The following NAV1 variants were observed in gnomAD, a reference collection of about 807,000 sequenced individuals.
NAV1 encodes the protein neuron navigator 1.
Under a neutral mutation model 175.2 loss-of-function variants are expected in NAV1, and 18 were observed. That is an observed-to-expected ratio of 0.10 (90% CI 0.07 to 0.15). NAV1 has a LOEUF of 0.15. Among genes scored for constraint, NAV1 ranks in the 10% least tolerant of loss-of-function variants. The pLI, the probability that NAV1 is intolerant of heterozygous loss-of-function variation, is 1.00. For missense variants in NAV1, 1,731 were observed against 2,436.6 expected (o/e 0.71, Z 6.10); for synonymous variants, 897 against 978.7 (o/e 0.92, Z 1.56).
At chr1:201,708,233 G>A (rs779333780) in intron 1 of NAV1, among the ~76,000 whole-genome samples, 1 of 146,864 alleles carries the variant, frequency 6.8e-6, no homozygotes. Context: ...GTGAATTGCC[G>A]TGGTGATGGC....
intron 15 of NAV1, chr1:201,796,239 G>A (rs1286414126): frequency 6.6e-6 from 1 of 152,132 alleles, no homozygotes; most frequent in Non-Finnish European, 1.5e-5. Context: ...GACTTTTTGA[G>A]GAATTGGCAA....
chr1:201,559,399 G>C (rs1310928511), intron 1 of NAV1, among the ~76,000 whole-genome samples: 1 of 152,150 alleles, frequency 6.6e-6, no homozygotes, highest in Non-Finnish European at 1.5e-5. Flanking sequence ...ACCAGGAACA[G>C]TGCTCTTCCA....
chr1:201,559,151 G>A (rs1157049412), intron 1 of NAV1, among the ~76,000 whole-genome samples: 1 of 152,184 alleles, frequency 6.6e-6, no homozygotes, highest in Non-Finnish European at 1.5e-5. Flanking sequence ...CAGGCATATG[G>A]AAAGGGGTTG....
intron 2 of NAV1, among the ~76,000 whole-genome samples, chr1:201,613,847 G>A (rs1236761941): frequency 5.3e-5 from 8 of 152,194 alleles, no homozygotes; most frequent in East Asian, 1.9e-4. Context: ...GGGTGACAGC[G>A]CAAGGCTCAA....
rs139448864 is a variant in NAV1 at position 201,559,807 on chromosome 1, C to T, written c.-144+20465C>T. ...TCTGGTTCGGCCTTTGTCTGCATGGCCTTGCATCTTCCTGTTGCCGCCACC... is the reference window on the plus strand; with the variant it reads ...TCTGGTTCGGCCTTTGTCTGCATGGTCTTGCATCTTCCTGTTGCCGCCACC... On this transcript the variant is annotated intron_variant, in intron 1 of 33. Coordinates refer to the NAV1 transcript ENST00000685211. 4.4e-3 allele frequency among the ~76,000 whole-genome samples: 673 copies of T among 152,304 alleles called. 3 individuals carry two copies. Among genetic ancestry groups the T allele is most frequent in the Middle Eastern group, 0.01 (3 of 294 alleles).
At chr1:201,696,176 G>A (rs1260248196) in intron 1 of NAV1, among the ~76,000 whole-genome samples, 1 of 152,178 alleles carries the variant, frequency 6.6e-6, no homozygotes, top group East Asian at 1.9e-4. Flanking sequence ...TACCCATGAA[G>A]GAGAGGGTGG....
Position 201,810,542 on chromosome 1 carries a change from C to T in NAV1, c.4581C>T (p.Val1527=), listed in dbSNP as rs1177724587. The T allele has an allele frequency of 5.6e-6, 9 of 1,610,958 alleles. No homozygotes were observed. Among genetic ancestry groups the T allele is most frequent in the East Asian group, 2.2e-5 (1 of 44,714 alleles). The change falls in exon 24 of 30, where the codon GTC becomes GTT. Residue 1527 remains valine (V), a synonymous_variant. Transcript: ENST00000367296. The surrounding 1 kb of genome is among the most constrained non-coding windows in gnomAD (Gnocchi z 6.0). ...GTTCAGGTCTGAAGGAGAAATGCGT[C>T]GACAGCCTGGTGTTCGAGACGCTGA...
chr1:201,620,123 C>T (rs1337412471), upstream of NAV1, among the ~76,000 whole-genome samples: 2 of 152,184 alleles, frequency 1.3e-5, no homozygotes, highest in African/African-American at 2.4e-5. Flanking sequence ...CTTCTTATAG[C>T]TTAGGCTGTA....
intron 2 of NAV1, among the ~76,000 whole-genome samples, chr1:201,597,696 C>T (rs1454289233): frequency 2.0e-5 from 3 of 152,228 alleles, no homozygotes; most frequent in Non-Finnish European, 4.4e-5. Context: ...GGTTTCCTCC[C>T]TCACACTCCT....
intron 10 of NAV1, 139 bp from the exon 15 acceptor site, chr1:201,789,601 G>A (rs1032294430): frequency 9.3e-6 from 7 of 752,860 alleles, no homozygotes; most frequent in Non-Finnish European, 1.6e-5. Flanking sequence ...GATACCAGCT[G>A]GGTTCCCTAC....
In NAV1 at chr1:201,788,505, C is replaced by T. The variant is rs2102736122; in HGVS notation, c.3033C>T (p.Arg1011=). The T allele has an allele frequency of 6.2e-7, 1 of 1,614,186 alleles. No individual in the cohort carries two copies. Among genetic ancestry groups the T allele is most frequent in the African/African-American group, 1.3e-5 (1 of 75,064 alleles). Residue 1011 remains arginine (R), a synonymous_variant, in exon 10 of 30, where the codon CGC becomes CGT. Coordinates refer to ENST00000367296, the Ensembl canonical transcript of NAV1. This position sits in a 1 kb window ranked among gnomAD's most constrained non-coding sequence, Gnocchi z 5.7. ...CGGCCACCACGCCAAGAATCACCCG[C>T]TCCAACAGCATCCCCACCCACGAGG...
upstream of NAV1, among the ~76,000 whole-genome samples, chr1:201,643,526 AT>A (rs1405721655): frequency 6.6e-6 from 1 of 150,492 alleles, no homozygotes; most frequent in African/African-American, 2.5e-5. Flanking sequence ...GGCTTAAGTG[AT>A]TCTCCTCCCA....
chr1:201,749,584 T>A (rs1271835433), intron 3 of NAV1, among the ~76,000 whole-genome samples: 1 of 152,214 alleles, frequency 6.6e-6, no homozygotes, highest in African/African-American at 2.4e-5. Flanking sequence ...CTCCCAAACC[T>A]GTTTATGCCA....
Position 201,740,003 on chromosome 1 carries a change from T to G in NAV1, c.1226+21248T>G, listed in dbSNP as rs1205055410. 6.8e-7 allele frequency: 1 copy of G among 1,463,370 alleles called. No homozygotes were observed. The highest frequency in any genetic ancestry group is 2.9e-5 in the East Asian group (1 of 35,024). The allele number at this position is 1,463,370 out of a possible 1,614,324, so 90.6% of individuals were successfully genotyped here. A position where few individuals can be genotyped will look rare whatever the true frequency, so the allele number is the denominator to read the frequency against. ...GGGCGCTGGGTGCCCACCCGGTGAA[T>G]GGCCGCCTGAGCCGGGGAAGATGCT... On this transcript the variant is annotated intron_variant, in intron 3 of 29. Coordinates refer to ENST00000367296, the Ensembl canonical transcript of NAV1. The surrounding 1 kb of genome is among the most constrained non-coding windows in gnomAD (Gnocchi z 4.7).
In NAV1 at chr1:201,796,779, A is replaced by G. The variant is rs142192035; in HGVS notation, c.3517+2202A>G. ...TTTCATGTGCTTATTTGCTATTTGT[A>G]TGTCTTTATGGAGAAATGTGTATTC... is the stretch of plus-strand genomic sequence containing the variant. On this transcript the variant is annotated intron_variant, in intron 15 of 29. Transcript: ENST00000367296. 6 of 152,216 alleles carry G rather than the reference A, an allele frequency of 3.9e-5. No homozygotes were observed. The East Asian group carries it at 1.2e-3, about 29-fold the overall frequency. The allele number at this position is 152,216 out of a possible 1,614,324, so 9.4% of individuals were successfully genotyped here.
chr1:201,550,130 T>C (rs889055521), intron 1 of NAV1, among the ~76,000 whole-genome samples: 3 of 151,634 alleles, frequency 2.0e-5, no homozygotes, highest in African/African-American at 7.3e-5. Context: ...CCCACATGAA[T>C]TGCTAAATAT....
intron 1 of NAV1, among the ~76,000 whole-genome samples, chr1:201,553,568 C>T (rs562560709): frequency 6.6e-6 from 1 of 152,186 alleles, no homozygotes; most frequent in Non-Finnish European, 1.5e-5. Flanking sequence ...ACACACAGAT[C>T]GATGTGTTTT....
chr1:201,647,958 C>T (rs1669030564), upstream of NAV1, among the ~76,000 whole-genome samples: 1 of 152,106 alleles, frequency 6.6e-6, no homozygotes, highest in African/African-American at 2.4e-5. Flanking sequence ...GAACCCGCCC[C>T]GCTTCTACGC....
intron 15 of NAV1, 42 bp downstream of exon 19, chr1:201,794,619 G>GAAAGTAAGAGT: frequency 7.8e-6 from 12 of 1,533,556 alleles, no homozygotes; most frequent in Non-Finnish European, 1.1e-5. Context: ...CAGGGAGCAG[G>GAAAGTAAGAGT]AAAGTAAGAG....
Sources: allele counts gnomAD v4.1 joint callset (sites outside exome capture counted in the v4.1 genomes callset), GRCh38; gene constraint gnomAD v4.1.1; non-coding constraint Gnocchi (gnomAD v3.1); transcripts MANE v1.5; gene names NCBI Gene and HGNC (gene_info 2026-07-23, HGNC 2026-07-21).